Variants in PLAC1 observed in about 807,000 individuals in gnomAD.
The protein encoded by PLAC1 is placenta associated 1.
For missense variants in PLAC1, 136 were observed against 163.2 expected, an observed-to-expected ratio of 0.83 and a Z score of 0.91; for synonymous variants, 68 against 62.1, an observed-to-expected ratio of 1.09 and a Z score of -0.44.
intron 2 of PLAC1, among the ~76,000 whole-genome samples, chrX:134,732,853 G>A (rs1481650790): frequency 8.9e-6 from 1 of 112,056 alleles, no homozygotes; most frequent in African/African-American, 3.3e-5. Flanking sequence ...AGAGTGGGAG[G>A]TAGTCAGAGA....
At chrX:134,713,092 A>G (rs774242406) in intron 2 of PLAC1, among the ~76,000 whole-genome samples, 4 of 111,848 alleles carry the variant, frequency 3.6e-5, no homozygotes, top group Non-Finnish European at 7.5e-5. Context: ...CCTTTGTCCT[A>G]TCAGTGACCT....
intron 1 of PLAC1, among the ~76,000 whole-genome samples, chrX:134,736,464 C>T (rs187944006): frequency 2.7e-5 from 3 of 109,868 alleles, no homozygotes; most frequent in African/African-American, 9.9e-5. Flanking sequence ...GTGACAGAGC[C>T]CCAAACCGCC....
At chrX:134,589,587 C>T (rs1026634021) in intron 2 of PLAC1, among the ~76,000 whole-genome samples, 10 of 108,867 alleles carry the variant, frequency 9.2e-5, no homozygotes, top group East Asian at 2.9e-4. Flanking sequence ...ATTAGCCGGG[C>T]GTGGTGGGGC....
At chrX:134,622,658 G>A (rs1004408952) in intron 1 of PLAC1, among the ~76,000 whole-genome samples, 1 of 112,094 alleles carries the variant, frequency 8.9e-6, no homozygotes, top group African/African-American at 3.2e-5. Context: ...AGTGCCTTAA[G>A]AGATAACTAA....
intron 2 of PLAC1, among the ~76,000 whole-genome samples, chrX:134,598,138 G>A (rs778728788): frequency 4.5e-5 from 5 of 112,256 alleles, no homozygotes; most frequent in Non-Finnish European, 7.5e-5. Flanking sequence ...AGGATCCCAC[G>A]TCTCTGATTA....
rs940434194 is a variant in PLAC1 at position 134,566,059 on chromosome X, C to T, written c.624G>A (p.Met208Ile). The change falls in exon 3 of 3, where the codon ATG becomes ATA. Residue 208 changes from methionine (M) to isoleucine (I), a missense_variant. Coordinates refer to ENST00000359237, the MANE Select transcript of PLAC1 (RefSeq NM_021796.4). ...SEDWSLHTDD[M>I]IGSM is the part of the protein sequence containing the mutation. ...AACCTGAGGATCACATGGACCCAAT[C>T]ATATCATCTGTGTGAAGAGACCAAT... The T allele has an allele frequency of 8.3e-7, 1 of 1,209,321 alleles. No homozygotes were observed. The highest frequency in any genetic ancestry group is 1.1e-6 in the Non-Finnish European group (1 of 893,515).
chrX:134,590,219 T>TAAC (rs1464737527), intron 2 of PLAC1, among the ~76,000 whole-genome samples: 2 of 77,845 alleles, frequency 2.6e-5, no homozygotes, highest in Non-Finnish European at 5.6e-5. Context: ...AAATAAATAA[T>TAAC]AAATAAATAA....
At chrX:134,607,564 C>A in intron 1 of PLAC1, 1 of 174,957 alleles carries the variant, frequency 5.7e-6, no homozygotes, top group Non-Finnish European at 1.2e-5. Flanking sequence ...CAGAGAAGCA[C>A]ACTGTGCAAG....
chrX:134,630,113 G>A (rs1350971242), intron 1 of PLAC1, among the ~76,000 whole-genome samples: 6 of 108,685 alleles, frequency 5.5e-5, no homozygotes, highest in Non-Finnish European at 9.5e-5. Context: ...CTGGGATTAC[G>A]GGCATGCGCC....
At chrX:134,624,391 C>T (rs2078225252) in intron 1 of PLAC1, among the ~76,000 whole-genome samples, 1 of 111,963 alleles carries the variant, frequency 8.9e-6, no homozygotes, top group Non-Finnish European at 1.9e-5. Flanking sequence ...CCCACATCAA[C>T]AATCACAAAG....
chrX:134,604,839 G>A (rs1370978130), intron 1 of PLAC1, among the ~76,000 whole-genome samples: 1 of 111,329 alleles, frequency 9.0e-6, no homozygotes, highest in Admixed American at 9.5e-5. Flanking sequence ...ACTGCCCTTT[G>A]TAAGCTCCCA....
chrX:134,723,399 T>C lies in PLAC1; in HGVS notation n.174+10036A>G, dbSNP rs992706727. Among the ~76,000 whole-genome samples the C allele has an allele frequency of 5.6e-5, 6 of 107,223 alleles. No homozygotes were observed. In the East Asian group the frequency reaches 1.2e-3, roughly 21 times the overall value. The allele number at this position is 107,223 out of a possible 115,157, so 93.1% of individuals were successfully genotyped here. A position where few individuals can be genotyped will look rare whatever the true frequency, so the allele number is the denominator to read the frequency against. ...CATGGCTCAGCGCAGCCTCAACCTC[T>C]CAAGCTCAAGCGATCCTCCCAACTC... is the stretch of plus-strand genomic sequence containing the variant. On this transcript the variant is annotated intron_variant and non_coding_transcript_variant, in intron 2 of 2. Transcript: ENST00000466797.
At chrX:134,710,311 T>C (rs2078624068) in intron 2 of PLAC1, among the ~76,000 whole-genome samples, 1 of 111,394 alleles carries the variant, frequency 9.0e-6, no homozygotes, top group Non-Finnish European at 1.9e-5. Flanking sequence ...AGGCAAAAAT[T>C]AAAACTCAAA....
Position 134,638,363 on chromosome X carries a change from TA to T in PLAC1, c.-131+19964del, listed in dbSNP as rs762363321. Among the ~76,000 whole-genome samples the T allele has an allele frequency of 1.4e-4, 16 of 112,587 alleles. No homozygotes were observed. In the South Asian group the frequency reaches 3.6e-3, roughly 25 times the overall value. ...GTTGTTCTCCTTAAGTTTTCTAAGA[TA>T]TTTTTTTGTGAATGAGCAAAAAGTG... On this transcript the variant is annotated intron_variant, in intron 1 of 2. Coordinates refer to ENST00000359237, the MANE Select transcript of PLAC1 (RefSeq NM_021796.4).
At chrX:134,646,509 C>G (rs1196000966) in intron 1 of PLAC1, among the ~76,000 whole-genome samples, 3 of 112,000 alleles carry the variant, frequency 2.7e-5, no homozygotes, top group Non-Finnish European at 5.6e-5. Context: ...GCAAGTGATA[C>G]GGGAAAAGCA....
intron 2 of PLAC1, among the ~76,000 whole-genome samples, chrX:134,689,436 C>T (rs955700553): frequency 1.8e-5 from 2 of 111,728 alleles, no homozygotes; most frequent in East Asian, 2.8e-4. Context: ...TGTTCATGCC[C>T]GTTTTCATCT....
chrX:134,692,332 C>T (rs939219182), intron 2 of PLAC1, among the ~76,000 whole-genome samples: 6 of 111,705 alleles, frequency 5.4e-5, no homozygotes, highest in African/African-American at 1.6e-4. Context: ...AAGATAGAGG[C>T]TGTTTCTCTT....
chrX:134,603,371 T>C (rs1393132905), intron 1 of PLAC1, among the ~76,000 whole-genome samples: 2 of 76,780 alleles, frequency 2.6e-5, no homozygotes, highest in African/African-American at 1.0e-4. Flanking sequence ...AGAGTCTTGC[T>C]CTGTCACCCA....
At chrX:134,713,456 A>G (rs1442670326) in intron 2 of PLAC1, among the ~76,000 whole-genome samples, 1 of 111,960 alleles carries the variant, frequency 8.9e-6, no homozygotes, top group African/African-American at 3.2e-5. Context: ...ACAGATGCAA[A>G]TTTCAGTCAC....
Sources: gnomAD v4.1 joint callset for allele counts (sites outside exome capture counted in the v4.1 genomes callset) on GRCh38, gnomAD v4.1.1 for gene constraint, MANE v1.5 for transcripts, NCBI Gene and HGNC (gene_info 2026-07-23, HGNC 2026-07-21) for gene names.